CHAT: variants seen among roughly 807,000 people sequenced by gnomAD.
The protein encoded by CHAT is acetyl CoA:choline O-acetyltransferase.
In CHAT, 61 loss-of-function variants were observed where a neutral mutation model predicts 76.9. The observed-to-expected ratio is 0.79, with a 90% confidence interval of 0.65 to 0.98. The LOEUF (loss-of-function observed/expected upper bound fraction) is 0.98. Among genes scored for constraint, CHAT ranks in the 50% least tolerant of loss-of-function variants. CHAT has a pLI of 0.00. For synonymous variants in CHAT, 407 were observed against 397.4 expected (o/e 1.02, Z -0.29); for missense variants, 946 against 986.9 (o/e 0.96, Z 0.56).
At chr10:49,645,941 C>T (rs1839646675) in intron 7 of CHAT, among the ~76,000 whole-genome samples, 1 of 152,244 alleles carries the variant, frequency 6.6e-6, no homozygotes, top group Non-Finnish European at 1.5e-5. Flanking sequence ...GCAGCTCTGC[C>T]TCTGAACCAA....
intron 6 of CHAT, among the ~76,000 whole-genome samples, chr10:49,626,714 C>A (rs1001613444): frequency 5.9e-5 from 9 of 152,350 alleles, no homozygotes; most frequent in Non-Finnish European, 1.2e-4. Context: ...CCAGGCCATA[C>A]AGACACTGCT....
upstream of CHAT, chr10:49,612,114 C>G (rs1226820036): frequency 9.9e-6 from 16 of 1,612,402 alleles, no homozygotes; most frequent in Non-Finnish European, 1.4e-5. Context: ...TGGGACTGGC[C>G]AACCTGCTCT....
rs1472385814 is a variant in CHAT, at chr10:49,620,553, A to T, written c.638A>T (p.Asn213Ile). The change falls in exon 4 of 15, where the codon AAC (asparagine) becomes ATC (isoleucine). Residue 213 changes from asparagine to isoleucine, a missense_variant. Asn to Ile is a moderately radical substitution (Grantham distance 149). Around this residue, in one of 3 missense-constraint regions of CHAT, gnomAD observed 548 missense variants for 516.2 expected, o/e 1.06. Transcript: ENST00000337653. ...AACAACCGCCTGGCCCTGCCTGTCA[A>T]CTCCAGCCCTGCCGTGATCTTTGCT... ...YLNNRLALPV[N>I]SSPAVIFARQ... The T allele has an allele frequency of 6.2e-7, 1 of 1,613,582 alleles. No individual in the cohort carries two copies.
chr10:49,624,536 C>G (rs2132725083), intron 5 of CHAT, among the ~76,000 whole-genome samples: 1 of 152,334 alleles, frequency 6.6e-6, no homozygotes, highest in South Asian at 2.1e-4. Context: ...TGACAGTCTC[C>G]TGTTCACTGG....
chr10:49,613,894 G>A, upstream of CHAT: 2 of 528,930 alleles, frequency 3.8e-6, no homozygotes, highest in Non-Finnish European at 6.8e-6. Context: ...TTTGAAAGAT[G>A]GTGTAGCAGG....
chr10:49,653,306 C>T (rs1484110294), intron 11 of CHAT, among the ~76,000 whole-genome samples: 1 of 152,112 alleles, frequency 6.6e-6, no homozygotes, highest in South Asian at 2.1e-4. Flanking sequence ...TTACAGGAGG[C>T]GAAGAAACCA....
At chr10:49,611,365 G>C (rs780233959), upstream of CHAT, 5 of 1,600,194 alleles carry the variant, frequency 3.1e-6, no homozygotes, top group Non-Finnish European at 4.2e-6. Context: ...GGAGGAGCCG[G>C]AGCGCAGTCG....
intron 3 of CHAT, 82 bp downstream of exon 3, chr10:49,619,998 A>C: frequency 7.1e-7 from 1 of 1,403,268 alleles, no homozygotes; most frequent in Non-Finnish European, 9.8e-7. Context: ...AGAGGCAGGT[A>C]GGGGACAAAG....
At chr10:49,611,805 GC>G, upstream of CHAT, 1 of 1,603,528 alleles carries the variant, frequency 6.2e-7, no homozygotes, top group Non-Finnish European at 8.5e-7. Context: ...ACCCACACCT[GC>G]AGTGGCTGTA....
At position 49,614,364 on chromosome 10, in the gene CHAT, C is replaced by T; in HGVS notation, c.175C>T (p.Pro59Ser). ...CCCTGCCGGGAACCCAGGCTGCAGCCCCCACCCCCGCGCTGCGACACGCCC... is the reference window on the plus strand; with the variant it reads ...CCCTGCCGGGAACCCAGGCTGCAGCTCCCACCCCCGCGCTGCGACACGCCC... ...GGPAGNPGCS[P>S]HPRAATRPPP... The change falls in exon 1 of 15, where the codon CCC becomes TCC. Residue 59 changes from proline to serine, a missense_variant. Physicochemically the swap from Pro to Ser is moderately conservative, Grantham distance 74. Coordinates refer to ENST00000337653, the MANE Select transcript of CHAT (RefSeq NM_020549.5). 1.3e-6 allele frequency: 2 copies of T among 1,544,892 alleles called. No homozygotes were observed. The highest frequency in any genetic ancestry group is 1.7e-6 in the Non-Finnish European group (2 of 1,144,712).
upstream of CHAT, chr10:49,610,693 C>A: frequency 6.9e-7 from 1 of 1,445,278 alleles, no homozygotes; most frequent in Non-Finnish European, 9.1e-7. Context: ...GGGACGCCAG[C>A]GCTCGGCCCT....
chr10:49,610,760 C>A (rs1159151577), upstream of CHAT: 6 of 1,537,192 alleles, frequency 3.9e-6, no homozygotes, highest in Non-Finnish European at 5.2e-6. Context: ...GCGGAACCTG[C>A]GGGCCAGGCC....
At chr10:49,615,713 G>A in intron 1 of CHAT, 1 of 400,152 alleles carries the variant, frequency 2.5e-6, no homozygotes, top group East Asian at 4.2e-5. Context: ...AACAGTCTTT[G>A]CCCTCTTGGC....
At chr10:49,611,802 C>T (rs774107266), upstream of CHAT, 4 of 1,603,406 alleles carry the variant, frequency 2.5e-6, no homozygotes, top group African/African-American at 1.3e-5. Flanking sequence ...GCTACCCACA[C>T]CTGCAGTGGC....
At chr10:49,609,968 C>T (rs1838245255), upstream of CHAT, among the ~76,000 whole-genome samples, 1 of 152,084 alleles carries the variant, frequency 6.6e-6, no homozygotes, top group Admixed American at 6.5e-5. Context: ...GCCGCGCCCC[C>T]TTCCCCAAGA....
intron 1 of CHAT, chr10:49,615,960 A>G: frequency 1.4e-6 from 2 of 1,404,444 alleles, no homozygotes; most frequent in Non-Finnish European, 2.0e-6. Flanking sequence ...TGCATCCTGG[A>G]GCACAGGGCC....
chr10:49,619,096 C>A (rs370212473), intron 2 of CHAT, among the ~76,000 whole-genome samples: 58 of 152,246 alleles, frequency 3.8e-4, no homozygotes, highest in African/African-American at 1.2e-3. Context: ...TCTGAGGAAC[C>A]CTCTTTTAGA....
At chr10:49,655,358 C>T in intron 12 of CHAT, 28 bp from the exon 13 acceptor site, 1 of 1,613,904 alleles carries the variant, frequency 6.2e-7, no homozygotes, top group South Asian at 1.1e-5. Flanking sequence ...CTTTTAAACC[C>T]CGCGCTGCCT....
chr10:49,655,394 G>A lies in CHAT; in HGVS notation c.1785G>A (p.Glu595=). Residue 595 remains glutamate, a synonymous_variant, in exon 13 of 15, where the codon GAG becomes GAA. Transcript: ENST00000337653. ...CTGTGTTCTGTTGACAGGCTTCTGA[G>A]AAGCTTCTGCTCCTGAAGGATGCCA... ...TDHKAAVPAS[E]KLLLLKDAIR... is the part of the protein sequence containing the mutation. 6.2e-7 allele frequency: 1 copy of A among 1,614,136 alleles called. No individual in the cohort carries two copies. Among genetic ancestry groups the A allele is most frequent in the East Asian group, 2.2e-5 (1 of 44,878 alleles).
Sources: gnomAD v4.1 joint callset for allele counts (sites outside exome capture counted in the v4.1 genomes callset) on GRCh38, gnomAD v4.1.1 for gene constraint, gnomAD v4.1.1 regional missense constraint, MANE v1.5 for transcripts, NCBI Gene and HGNC (gene_info 2026-07-23, HGNC 2026-07-21) for gene names.